The following MAF variants were observed in gnomAD, a reference collection of about 807,000 sequenced individuals.
MAF encodes the protein transcription factor Maf.
A neutral mutation model predicts 22.0 loss-of-function variants in MAF; 10 were observed. The ratio of observed to expected loss-of-function variants is 0.45; its 90% confidence interval spans 0.28 to 0.77. MAF has a LOEUF of 0.77. Ranked by LOEUF, MAF falls within the 30% of genes least tolerant of loss-of-function variation. The pLI, the probability that MAF is intolerant of heterozygous loss-of-function variation, is 0.12. For synonymous variants in MAF, 337 were observed against 255.8 expected (o/e 1.32, Z -3.03); for missense variants, 544 against 548.4 (o/e 0.99, Z 0.08).
the MAF span, among the ~76,000 whole-genome samples, chr16:79,525,849 C>A: frequency 6.6e-6 from 1 of 152,096 alleles, no homozygotes; most frequent in South Asian, 2.1e-4. Context: ...GTGCAATGTA[C>A]CAAGAAAGAG....
the MAF span, among the ~76,000 whole-genome samples, chr16:79,354,820 G>T: frequency 6.6e-6 from 1 of 152,082 alleles, no homozygotes; most frequent in Admixed American, 6.6e-5. Context: ...AAAGGAACAA[G>T]AATTGAATTC....
the MAF span, among the ~76,000 whole-genome samples, chr16:79,398,635 A>ATG: frequency 2.6e-4 from 39 of 151,452 alleles, no homozygotes; most frequent in African/African-American, 4.1e-4. Context: ...GTCTATCTGT[A>ATG]TGTGTGTGTG....
chr16:79,339,232 G>C, the MAF span, among the ~76,000 whole-genome samples: 1 of 143,942 alleles, frequency 6.9e-6, no homozygotes, highest in Admixed American at 6.7e-5. Context: ...ACCACGCCCG[G>C]CTAAATTTTT....
intron 1 of MAF, chr16:79,596,893 TTTG>T: frequency 9.5e-7 from 1 of 1,050,030 alleles, no homozygotes; most frequent in Non-Finnish European, 1.2e-6. Context: ...GCAATTTTTT[TTTG>T]TATTATATGC....
the MAF span, among the ~76,000 whole-genome samples, chr16:79,342,586 C>A: frequency 6.6e-6 from 1 of 151,976 alleles, no homozygotes. Flanking sequence ...CCATCACTGT[C>A]ACCATCACCA....
chr16:79,485,051 G>T, the MAF span, among the ~76,000 whole-genome samples: 2 of 152,162 alleles, frequency 1.3e-5, no homozygotes, highest in Admixed American at 1.3e-4. Flanking sequence ...CTGATTGCCT[G>T]ATTAGACTTT....
At chr16:79,276,002 G>T in the MAF span, among the ~76,000 whole-genome samples, 7 of 151,912 alleles carry the variant, frequency 4.6e-5, no homozygotes, top group African/African-American at 1.7e-4. Flanking sequence ...TTTGCCAGGT[G>T]TGGTGGCAGG....
chr16:79,229,842 C>T, the MAF span, among the ~76,000 whole-genome samples: 1 of 152,020 alleles, frequency 6.6e-6, no homozygotes, highest in Admixed American at 6.6e-5. Context: ...TTCCCTTCCT[C>T]GTAGAATGAC....
At chr16:79,480,178 G>C in the MAF span, among the ~76,000 whole-genome samples, 1 of 152,050 alleles carries the variant, frequency 6.6e-6, no homozygotes, top group Admixed American at 6.6e-5. Flanking sequence ...GTAAACGCGT[G>C]AGTATCCACT....
chr16:79,559,101 T>G, the MAF span, among the ~76,000 whole-genome samples: 1 of 152,172 alleles, frequency 6.6e-6, no homozygotes, highest in African/African-American at 2.4e-5. Flanking sequence ...ACAGTACAGC[T>G]TGTTGTACAC....
chr16:79,529,367 T>C, the MAF span, among the ~76,000 whole-genome samples: 2 of 152,170 alleles, frequency 1.3e-5, no homozygotes, highest in Admixed American at 1.3e-4. Flanking sequence ...CCTTGTGTAT[T>C]AATAAACAAG....
At chr16:79,574,832 A>G in the MAF span, among the ~76,000 whole-genome samples, 1 of 152,138 alleles carries the variant, frequency 6.6e-6, no homozygotes, top group Non-Finnish European at 1.5e-5. Context: ...AGCAGGGGAA[A>G]TGCAAAGCAA....
the MAF span, among the ~76,000 whole-genome samples, chr16:79,366,242 T>C: frequency 6.6e-6 from 1 of 152,192 alleles, no homozygotes; most frequent in Non-Finnish European, 1.5e-5. Flanking sequence ...CTCTACAAGA[T>C]TCAACCTTTA....
At chr16:79,219,942 G>C in the MAF span, among the ~76,000 whole-genome samples, 1 of 152,088 alleles carries the variant, frequency 6.6e-6, no homozygotes, top group Non-Finnish European at 1.5e-5. Context: ...AGTTAATCTT[G>C]GAAATAACTG....
chr16:79,578,674 A>G, the MAF span, among the ~76,000 whole-genome samples: 1 of 152,216 alleles, frequency 6.6e-6, no homozygotes, highest in South Asian at 2.1e-4. Flanking sequence ...TTAAAAAGCC[A>G]TCCGTCCAAG....
the MAF span, among the ~76,000 whole-genome samples, chr16:79,412,817 C>G: frequency 3.9e-5 from 6 of 152,284 alleles, no homozygotes; most frequent in African/African-American, 1.4e-4. Context: ...ACACCCAGAG[C>G]GTTCTGGGAG....
chr16:79,478,607 A>C, the MAF span, among the ~76,000 whole-genome samples: 4 of 152,104 alleles, frequency 2.6e-5, no homozygotes, highest in African/African-American at 7.2e-5. Context: ...TATACCACAC[A>C]ATCACTTGTG....
the MAF span, among the ~76,000 whole-genome samples, chr16:79,558,338 G>A: frequency 6.6e-6 from 1 of 152,034 alleles, no homozygotes; most frequent in Non-Finnish European, 1.5e-5. Context: ...AGAGAGGGAA[G>A]GAAGAGAGGC....
At chr16:79,287,114 CTTCCT>C in the MAF span, among the ~76,000 whole-genome samples, 2 of 128,848 alleles carry the variant, frequency 1.6e-5, no homozygotes, top group South Asian at 3.0e-4. Flanking sequence ...CGTACTCTGC[CTTCCT>C]TTTTTTTTTT....
Sources: allele counts gnomAD v4.1 joint callset (sites outside exome capture counted in the v4.1 genomes callset), GRCh38; gene constraint gnomAD v4.1.1; transcripts MANE v1.5; gene names NCBI Gene and HGNC (gene_info 2026-07-23, HGNC 2026-07-21).